RAB3GAP2: variants seen among roughly 807,000 people sequenced by gnomAD.
The protein encoded by RAB3GAP2 is RAB3 GTPase activating non-catalytic protein subunit 2.
A neutral mutation model predicts 185.3 loss-of-function variants in RAB3GAP2; 87 were observed. The observed-to-expected ratio is 0.47, with a 90% confidence interval of 0.39 to 0.56. The LOEUF is 0.56. Among genes scored for constraint, RAB3GAP2 ranks in the 20% least tolerant of loss-of-function variants. RAB3GAP2 has a pLI of 0.00. For synonymous variants in RAB3GAP2, 554 were observed against 576.1 expected (o/e 0.96, Z 0.55); for missense variants, 1,492 against 1,638.2 (o/e 0.91, Z 1.54).
chr1:220,235,148 AGTG>A (rs1339702499), intron 1 of RAB3GAP2, among the ~76,000 whole-genome samples: 2 of 152,210 alleles, frequency 1.3e-5, no homozygotes, highest in African/African-American at 4.8e-5. Context: ...ATTAGGGAAA[AGTG>A]GAGTTTACAG....
chr1:220,254,952 CT>C (rs59174009), intron 1 of RAB3GAP2, among the ~76,000 whole-genome samples: 13,940 of 131,430 alleles, frequency 0.11, 962 homozygotes, highest in African/African-American at 0.23. Flanking sequence ...TCCATTTGTG[CT>C]TTTTTTTTTT....
In RAB3GAP2 at chr1:220,189,960, TAA is replaced by T; in HGVS notation, c.1714+102_1714+103del. Reference sequence around the variant, plus strand: ...CTTCAGCCTTACAGAGCAATTCCAATAAGCTCATCCATGCATTATTTTGATTG... The same window carrying T: ...CTTCAGCCTTACAGAGCAATTCCAATGCTCATCCATGCATTATTTTGATTG... On this transcript the variant is annotated intron_variant, in intron 16 of 34. Transcript: ENST00000358951. 6.3e-6 allele frequency: 7 copies of T among 1,117,498 alleles called. No individual in the cohort carries two copies. In the East Asian group the frequency reaches 1.5e-4, roughly 24 times the overall value. 69.2% of individuals were successfully genotyped at this position (1,117,498 alleles called of 1,614,324 possible). A position where few individuals can be genotyped will look rare whatever the true frequency, so the allele number is the denominator to read the frequency against.
At chr1:220,267,773 C>T (rs1660255779) in intron 1 of RAB3GAP2, 1 of 1,521,110 alleles carries the variant, frequency 6.6e-7, no homozygotes, top group Non-Finnish European at 9.1e-7. Context: ...TTGAAGGACA[C>T]AAGACCCACT....
intron 2 of RAB3GAP2, among the ~76,000 whole-genome samples, chr1:220,221,416 A>AT (rs912788729): frequency 3.9e-5 from 6 of 152,156 alleles, no homozygotes; most frequent in African/African-American, 1.2e-4. Flanking sequence ...GCTTCACTAG[A>AT]TTTTGCCAGC....
chr1:220,212,845 T>C (rs754157314), intron 4 of RAB3GAP2, 42 bp downstream of exon 4: 3 of 1,445,662 alleles, frequency 2.1e-6, no homozygotes, highest in Admixed American at 3.4e-5. Context: ...ATTTCATACA[T>C]ACATGTAACA....
intron 21 of RAB3GAP2, among the ~76,000 whole-genome samples, chr1:220,178,512 C>T (rs181675733): frequency 2.1e-3 from 319 of 152,124 alleles, no homozygotes; most frequent in African/African-American, 7.3e-3. Flanking sequence ...AGAGTTAATG[C>T]GTATAGGTTT....
intron 31 of RAB3GAP2, 139 bp from the exon 32 acceptor site, chr1:220,154,196 T>G: frequency 8.0e-7 from 1 of 1,255,040 alleles, no homozygotes; most frequent in South Asian, 1.5e-5. Context: ...GAATAATTTT[T>G]ATAACAATTA....
At chr1:220,159,799 T>A (rs1336871772) in intron 28 of RAB3GAP2, among the ~76,000 whole-genome samples, 1 of 151,916 alleles carries the variant, frequency 6.6e-6, no homozygotes, top group African/African-American at 2.4e-5. Context: ...GGCCGACCAC[T>A]TGAGGTCAGG....
At chr1:220,167,453 C>T (rs372949467) in intron 25 of RAB3GAP2, 49 bp downstream of exon 25, 91 of 1,612,580 alleles carry the variant, frequency 5.6e-5, no homozygotes, top group Middle Eastern at 3.3e-4. Context: ...GAACACTTGG[C>T]CACATCTTTC....
chr1:220,238,696 A>G (rs1371954180), intron 1 of RAB3GAP2, among the ~76,000 whole-genome samples: 1 of 152,160 alleles, frequency 6.6e-6, no homozygotes, highest in African/African-American at 2.4e-5. Flanking sequence ...AAGTGACTCT[A>G]CCTCTCCAAA....
At chr1:220,217,341 A>C (rs754784485) in intron 2 of RAB3GAP2, among the ~76,000 whole-genome samples, 2 of 152,196 alleles carry the variant, frequency 1.3e-5, no homozygotes, top group Non-Finnish European at 2.9e-5. Context: ...ATTTACAGCT[A>C]CAAGATGACC....
intron 1 of RAB3GAP2, chr1:220,253,789 C>T (rs962313558): frequency 8.4e-5 from 135 of 1,611,604 alleles, no homozygotes; most frequent in African/African-American, 1.2e-4. Flanking sequence ...GCAGAAACAG[C>T]GAGAACTTCA....
chr1:220,184,089 C>T lies in RAB3GAP2; in HGVS notation c.1945G>A (p.Val649Ile), dbSNP rs1219433342. The change falls in exon 19 of 35, where the codon GTC becomes ATC. Residue 649 changes from valine to isoleucine, a missense_variant. Around this residue, in one of 5 missense-constraint regions of RAB3GAP2, gnomAD observed 681 missense variants for 689.1 expected, o/e 0.99. Coordinates refer to ENST00000358951, the MANE Select transcript of RAB3GAP2 (RefSeq NM_012414.4). ...AAATCAAGGGAATTTAATTGACTGA[C>T]AGACTCATAGAGTTGCAGCAGTTTT... ...KLKLLQLYESVSQLNSLDFHL... is the reference protein window; with the variant it reads ...KLKLLQLYESISQLNSLDFHL... 6.2e-7 allele frequency: 1 copy of T among 1,603,040 alleles called. No homozygotes were observed. The highest frequency in any genetic ancestry group is 8.5e-7 in the Non-Finnish European group (1 of 1,170,518).
Position 220,158,019 on chromosome 1 carries a change from A to G in RAB3GAP2, c.3262-143T>C, listed in dbSNP as rs1191081628. On this transcript the variant is annotated intron_variant, in intron 29 of 34. Coordinates refer to ENST00000358951, the MANE Select transcript of RAB3GAP2 (RefSeq NM_012414.4). This position sits in a 1 kb window ranked among gnomAD's most constrained non-coding sequence, Gnocchi z 4.3. ...CAGGCAAGAATTTGAAAGTCAAGGC[A>G]TTAGCATATTTAAGTTCCTTCTTTT... 1.4e-6 allele frequency: 1 copy of G among 706,794 alleles called. No individual in the cohort carries two copies. 43.8% of individuals were successfully genotyped at this position (706,794 alleles called of 1,614,324 possible). A position where few individuals can be genotyped will look rare whatever the true frequency, so the allele number is the denominator to read the frequency against.
chr1:220,190,865 G>C (rs1658603044), intron 14 of RAB3GAP2, among the ~76,000 whole-genome samples: 1 of 151,772 alleles, frequency 6.6e-6, no homozygotes, highest in African/African-American at 2.4e-5. Flanking sequence ...TAATTCAGCA[G>C]TCTATCATGG....
intron 17 of RAB3GAP2, among the ~76,000 whole-genome samples, chr1:220,188,345 C>T (rs1658543729): frequency 6.6e-6 from 1 of 152,102 alleles, no homozygotes; most frequent in Non-Finnish European, 1.5e-5. Context: ...AATAAGTAGT[C>T]ATTAACTATC....
intron 2 of RAB3GAP2, among the ~76,000 whole-genome samples, chr1:220,231,633 T>C (rs950835533): frequency 6.6e-6 from 1 of 152,206 alleles, no homozygotes; most frequent in Non-Finnish European, 1.5e-5. Flanking sequence ...AATAATATGA[T>C]TCAACAATGA....
intron 1 of RAB3GAP2, 125 bp downstream of exon 1, chr1:220,272,098 G>T: frequency 1.2e-6 from 1 of 815,456 alleles, no homozygotes; most frequent in Non-Finnish European, 2.1e-6. Context: ...CGGAGGGGAG[G>T]CACGGGGAGA....
intron 1 of RAB3GAP2, among the ~76,000 whole-genome samples, chr1:220,256,004 A>G (rs1022052819): frequency 6.6e-6 from 1 of 152,194 alleles, no homozygotes; most frequent in African/African-American, 2.4e-5. Flanking sequence ...TCAAAATGAA[A>G]GAAAAAATGT....
Sources: gnomAD v4.1 joint callset for allele counts (sites outside exome capture counted in the v4.1 genomes callset) on GRCh38, gnomAD v4.1.1 for gene constraint, gnomAD v4.1.1 regional missense constraint, Gnocchi (gnomAD v3.1) non-coding constraint, MANE v1.5 for transcripts, NCBI Gene and HGNC (gene_info 2026-07-23, HGNC 2026-07-21) for gene names.